CA7: variants seen among roughly 807,000 people sequenced by gnomAD.
CA7 encodes the protein carbonate dehydratase VII.
A neutral mutation model predicts 31.4 loss-of-function variants in CA7; 13 were observed. That is an observed-to-expected ratio of 0.41 (90% confidence interval 0.27 to 0.66). CA7 has a LOEUF of 0.66. Among genes scored for constraint, CA7 ranks in the 30% least tolerant of loss-of-function variants. The probability of loss-of-function intolerance (pLI) is 0.28; values close to 1 mark genes in which losing one functional copy is unlikely to be tolerated. For synonymous variants in CA7, 128 were observed against 133.2 expected, an observed-to-expected ratio of 0.96 and a Z score of 0.27; for missense variants, 215 against 351.0, an observed-to-expected ratio of 0.61 and a Z score of 3.10.
rs952605666 is a variant in CA7 at position 66,845,324 on chromosome 16, AG to A, written c.40+801del. The A allele has an allele frequency of 7.7e-6, 5 of 652,124 alleles. No homozygotes were observed. The African/African-American group carries it at 9.9e-5, about 13-fold the overall frequency. 40.4% of individuals were successfully genotyped at this position (652,124 alleles called of 1,614,324 possible). A position where few individuals can be genotyped will look rare whatever the true frequency, so the allele number is the denominator to read the frequency against. On this transcript the variant is annotated intron_variant, in intron 1 of 6. Coordinates refer to ENST00000338437, the MANE Select transcript of CA7 (RefSeq NM_005182.3). ...CAAGCAGGGGTGGGGGTGTGGGGTA[AG>A]GGGTTCCCTATTTCCCTGGGGAGCC...
intron 1 of CA7, chr16:66,844,873 G>T: frequency 9.4e-7 from 1 of 1,068,364 alleles, no homozygotes; most frequent in South Asian, 4.5e-5. Flanking sequence ...GGGTGGCCCA[G>T]GGCAGCGGGG....
chr16:66,852,888 A>T (rs1961095055), intron 6 of CA7, 21 bp downstream of exon 6: 1 of 1,607,040 alleles, frequency 6.2e-7, no homozygotes, highest in Non-Finnish European at 8.5e-7. Flanking sequence ...TCAGAGGACC[A>T]GATGGAGGGA....
chr16:66,847,027 C>T lies in CA7; in HGVS notation c.41-3C>T, dbSNP rs1960943433. ...GAGTCCTTGCCCTCCTCCCCACCTG[C>T]AGGCCCCTCGCATTGGCACAAGCTG... On this transcript the variant is annotated splice_polypyrimidine_tract_variant and splice_region_variant and intron_variant, in intron 1 of 6. Coordinates refer to ENST00000338437, the MANE Select transcript of CA7 (RefSeq NM_005182.3). The T allele has an allele frequency of 6.2e-7, 1 of 1,613,970 alleles. No homozygotes were observed. The highest frequency in any genetic ancestry group is 8.5e-7 in the Non-Finnish European group (1 of 1,179,966).
At chr16:66,849,738 G>A (rs1431001199) in intron 2 of CA7, among the ~76,000 whole-genome samples, 1 of 152,162 alleles carries the variant, frequency 6.6e-6, no homozygotes, top group African/African-American at 2.4e-5. Flanking sequence ...GTCAGTCCCA[G>A]ACCCTTCTGC....
chr16:66,844,632 A>G, intron 1 of CA7, 105 bp downstream of exon 1: 9 of 988,602 alleles, frequency 9.1e-6, no homozygotes, highest in Admixed American at 2.5e-5. Context: ...AAGCTCCCAC[A>G]CTCCAGGCTG....
chr16:66,851,672 C>A lies in CA7; in HGVS notation c.462C>A (p.Asp154Glu), dbSNP rs201896800. 4.3e-6 allele frequency: 7 copies of A among 1,613,972 alleles called. No homozygotes were observed. In the South Asian group the frequency reaches 7.7e-5, roughly 18 times the overall value. Residue 154 changes from aspartate (D) to glutamate (E), a missense_variant, in exon 5 of 7, where the codon GAC becomes GAA. Coordinates refer to ENST00000338437, the MANE Select transcript of CA7 (RefSeq NM_005182.3). ...TGCCCTCTCCCTGACAGACAGGAGA[C>A]GAGCACCCCAGCATGAATCGTCTGA... ...AVVGVFLETG[D>E]EHPSMNRLTD...
chr16:66,849,398 G>T (rs1960992317), intron 2 of CA7, among the ~76,000 whole-genome samples: 1 of 152,142 alleles, frequency 6.6e-6, no homozygotes, highest in African/African-American at 2.4e-5. Context: ...AGGCAGTGTT[G>T]CCTGGTGATT....
chr16:66,850,415 T>C, intron 2 of CA7, 126 bp from the exon 3 acceptor site: 1 of 698,544 alleles, frequency 1.4e-6, no homozygotes, highest in Non-Finnish European at 2.6e-6. Context: ...CACTCCAGCC[T>C]GGGCAACAGA....
Position 66,853,529 on chromosome 16 carries a change from C to T in CA7, c.*31C>T, listed in dbSNP as rs1961112047. 1.2e-6 allele frequency: 2 copies of T among 1,612,172 alleles called. No homozygotes were observed. The highest frequency in any genetic ancestry group is 1.7e-6 in the Non-Finnish European group (2 of 1,179,478). On this transcript the variant is annotated 3_prime_UTR_variant, in exon 7 of 7. Coordinates refer to ENST00000338437, the MANE Select transcript of CA7 (RefSeq NM_005182.3). The surrounding 1 kb of genome is among the most constrained non-coding windows in gnomAD (Gnocchi z 4.5). Reference sequence around the variant, plus strand: ...CCATCTGCCTAGCCGGCCACTAGGGCACCATCTTCTCAAGGGCTTCCATGT... The same window carrying T: ...CCATCTGCCTAGCCGGCCACTAGGGTACCATCTTCTCAAGGGCTTCCATGT...
intron 1 of CA7, chr16:66,845,118 G>A (rs902608534): frequency 5.1e-6 from 5 of 985,508 alleles, no homozygotes; most frequent in African/African-American, 1.7e-5. Flanking sequence ...GCGCACGTCC[G>A]GGTGTGAGTC....
rs756567978 is a variant in CA7, at chr16:66,847,166, C to T, written c.177C>T (p.Leu59=). Residue 59 remains leucine (L), a synonymous_variant, in exon 2 of 7, where the codon CTC becomes CTT. Coordinates refer to ENST00000338437, the MANE Select transcript of CA7 (RefSeq NM_005182.3). ...LELSYEACMS[L]SITNNGHSVQ... is the part of the protein sequence containing the mutation. ...TTTCCTATGAGGCCTGCATGTCCCT[C>T]AGCATCACCAACAATGGCCACTCTG... 2 of 1,614,242 alleles carry T rather than the reference C, an allele frequency of 1.2e-6. No individual in the cohort carries two copies. Among genetic ancestry groups the T allele is most frequent in the Non-Finnish European group, 1.7e-6 (2 of 1,180,036 alleles).
intron 1 of CA7, among the ~76,000 whole-genome samples, chr16:66,846,821 G>A (rs1960937835): frequency 6.6e-6 from 1 of 152,196 alleles, no homozygotes. Flanking sequence ...ACTGGAAGGT[G>A]AGTTTTAGTG....
chr16:66,851,727 G>A lies in CA7; in HGVS notation c.516+1G>A, dbSNP rs1485344765. 3 of 1,613,522 alleles carry A rather than the reference G, an allele frequency of 1.9e-6. No individual in the cohort carries two copies. The highest frequency in any genetic ancestry group is 2.2e-5 in the East Asian group (1 of 44,848). On this transcript the variant is annotated splice_donor_variant, in intron 5 of 6. Transcript: ENST00000338437. LOFTEE classifies it high-confidence loss of function. ...TGCGCTCTACATGGTCCGGTTCAAG[G>A]TAAAGTCCCTGCCCCTGACCCAAGC... is the stretch of plus-strand genomic sequence containing the variant.
intron 1 of CA7, 117 bp downstream of exon 1, chr16:66,844,644 G>GC (rs1032687232): frequency 9.0e-5 from 77 of 860,084 alleles, no homozygotes; most frequent in Middle Eastern, 7.0e-4. Flanking sequence ...TCCAGGCTGG[G>GC]CGGGACCCCT....
intron 1 of CA7, chr16:66,845,147 C>T (rs1281554005): frequency 1.0e-6 from 1 of 985,554 alleles, no homozygotes. Context: ...CCGTGGCCCA[C>T]ACCAGCCTCC....
intron 2 of CA7, among the ~76,000 whole-genome samples, chr16:66,850,182 G>A (rs1300932347): frequency 2.0e-5 from 3 of 149,796 alleles, no homozygotes; most frequent in East Asian, 4.0e-4. Context: ...GCTCGTGCCT[G>A]TAATCCCAGC....
At chr16:66,850,122 CAAA>C (rs4000640) in intron 2 of CA7, among the ~76,000 whole-genome samples, 260 of 82,656 alleles carry the variant, frequency 3.1e-3, no homozygotes, top group Admixed American at 4.0e-3. Flanking sequence ...GACTCCATCT[CAAA>C]AAAAAAAAAA....
rs1567507660 is a variant in CA7 at position 66,852,848 on chromosome 16, T to C, written c.653T>C (p.Ile218Thr). Residue 218 changes from isoleucine to threonine, a missense_variant, in exon 6 of 7, where the codon ATC (isoleucine) becomes ACC (threonine). Transcript: ENST00000338437. ...ACCTGGATTGTGCTCCGGGAGCCCA[T>C]CTGCATCTCTGAAAGGCAGGTGAGT... ...SVTWIVLREPICISERQMGKF... is the reference protein window; with the variant it reads ...SVTWIVLREPTCISERQMGKF... 6.2e-7 allele frequency: 1 copy of C among 1,613,542 alleles called. No homozygotes were observed. The highest frequency in any genetic ancestry group is 1.7e-5 in the Admixed American group (1 of 59,998).
At position 66,850,197 on chromosome 16, in the gene CA7, T is replaced by C. The variant is rs535016473; in HGVS notation, c.239-344T>C. 1.1e-4 allele frequency among the ~76,000 whole-genome samples: 16 copies of C among 151,242 alleles called. No individual in the cohort carries two copies. In the East Asian group the frequency reaches 2.9e-3, roughly 28 times the overall value. On this transcript the variant is annotated intron_variant, in intron 2 of 6. Transcript: ENST00000338437. ...GCTCGTGCCTGTAATCCCAGCATTT[T>C]GGGAGGCCAAGGCAGGAGGATTGCT... is the stretch of plus-strand genomic sequence containing the variant.
Sources: gnomAD v4.1 joint callset for allele counts (sites outside exome capture counted in the v4.1 genomes callset) on GRCh38, gnomAD v4.1.1 for gene constraint, Gnocchi (gnomAD v3.1) non-coding constraint, MANE v1.5 for transcripts, NCBI Gene and HGNC (gene_info 2026-07-23, HGNC 2026-07-21) for gene names.